Variants in KIAA1217 observed in about 807,000 individuals in gnomAD.
The protein encoded by KIAA1217 is KIAA1217.
A neutral mutation model predicts 163.9 loss-of-function variants in KIAA1217; 88 were observed. The observed-to-expected ratio is 0.54, with a 90% CI of 0.45 to 0.64. The LOEUF (loss-of-function observed/expected upper bound fraction) is 0.64, where lower values mean the gene tolerates loss of function less well. KIAA1217 is among the 30% of genes least tolerant of loss of function. The probability of loss-of-function intolerance (pLI) is 0.00; values close to 1 mark genes in which losing one functional copy is unlikely to be tolerated. For synonymous variants in KIAA1217, 903 were observed against 923.1 expected (o/e 0.98, Z 0.39); for missense variants, 2,372 against 2,475.0 (o/e 0.96, Z 0.88).
intron 2 of KIAA1217, among the ~76,000 whole-genome samples, chr10:24,019,012 G>A (rs1847617270): frequency 6.6e-6 from 1 of 152,086 alleles, no homozygotes; most frequent in Non-Finnish European, 1.5e-5. Context: ...ACTCATAGAA[G>A]CAGAGAGTAG....
At chr10:23,713,949 T>C (rs1486065942) in intron 1 of KIAA1217, among the ~76,000 whole-genome samples, 1 of 152,140 alleles carries the variant, frequency 6.6e-6, no homozygotes, top group Non-Finnish European at 1.5e-5. Context: ...TCATTTTAGG[T>C]ACCCCATCCA....
At chr10:24,441,417 G>T (rs1020754610) in intron 5 of KIAA1217, among the ~76,000 whole-genome samples, 1 of 152,140 alleles carries the variant, frequency 6.6e-6, no homozygotes, top group Middle Eastern at 3.2e-3. Context: ...GTAATATCTT[G>T]CCTTTGAAAG....
intron 3 of KIAA1217, among the ~76,000 whole-genome samples, chr10:24,395,384 A>G (rs1023584331): frequency 1.3e-5 from 2 of 152,080 alleles, no homozygotes; most frequent in Non-Finnish European, 2.9e-5. Context: ...ATACATCCCA[A>G]GTTACTTCAT....
At chr10:24,060,114 C>G (rs969854102) in intron 2 of KIAA1217, among the ~76,000 whole-genome samples, 2 of 151,676 alleles carry the variant, frequency 1.3e-5, no homozygotes, top group African/African-American at 2.4e-5. Context: ...TCAATTTTGT[C>G]TTTTGCTTCG....
At chr10:24,060,409 A>T (rs1345929928) in intron 2 of KIAA1217, among the ~76,000 whole-genome samples, 2 of 152,054 alleles carry the variant, frequency 1.3e-5, no homozygotes, top group Non-Finnish European at 2.9e-5. Flanking sequence ...ATGTAGTTTA[A>T]TTTCTACATA....
chr10:23,955,517 G>T (rs757135792), intron 1 of KIAA1217, among the ~76,000 whole-genome samples: 12 of 152,088 alleles, frequency 7.9e-5, no homozygotes, highest in Non-Finnish European at 1.8e-4. Context: ...TTCTTCTATG[G>T]AACAGACATT....
intron 1 of KIAA1217, among the ~76,000 whole-genome samples, chr10:23,763,219 A>G (rs1333446444): frequency 6.6e-6 from 1 of 152,238 alleles, no homozygotes; most frequent in Non-Finnish European, 1.5e-5. Context: ...TGCTGTTTCC[A>G]TCAAACTACC....
In KIAA1217 at chr10:24,364,049, G is replaced by T. The variant is rs1242524949; in HGVS notation, c.355-16820G>T. Among the ~76,000 whole-genome samples, 5 of 151,550 alleles carry T rather than the reference G, an allele frequency of 3.3e-5. No homozygotes were observed. The East Asian group carries it at 9.7e-4, about 29-fold the overall frequency. ...GCTAGGGTGCAATGGCGCAGTCTTG[G>T]CTCGCCGCAACCTCCGCCTCCCAGG... On this transcript the variant is annotated intron_variant, in intron 2 of 20. Coordinates refer to ENST00000376454, the MANE Select transcript of KIAA1217 (RefSeq NM_019590.5).
At chr10:23,790,717 ATGTATGTATG>A (rs1835906735) in intron 1 of KIAA1217, among the ~76,000 whole-genome samples, 1 of 146,412 alleles carries the variant, frequency 6.8e-6, no homozygotes, top group African/African-American at 2.6e-5. Context: ...ATATATATGT[ATGTATGTATG>A]TATGTATGTA....
At chr10:23,924,982 CATT>C (rs1842968680) in intron 1 of KIAA1217, among the ~76,000 whole-genome samples, 1 of 151,832 alleles carries the variant, frequency 6.6e-6, no homozygotes, top group East Asian at 1.9e-4. Flanking sequence ...GCCAAAATAG[CATT>C]ATTTTGAGAG....
At chr10:24,199,432 T>C (rs1006486091) in intron 2 of KIAA1217, among the ~76,000 whole-genome samples, 6 of 152,186 alleles carry the variant, frequency 3.9e-5, no homozygotes, top group Non-Finnish European at 7.3e-5. Flanking sequence ...CCCAATTACC[T>C]CTTAAAGACC....
At chr10:24,526,347 C>T (rs914341134) in intron 13 of KIAA1217, among the ~76,000 whole-genome samples, 1 of 152,146 alleles carries the variant, frequency 6.6e-6, no homozygotes, top group Non-Finnish European at 1.5e-5. Context: ...CACAAGGGTA[C>T]AGAAATGTGA....
At position 24,335,603 on chromosome 10, in the gene KIAA1217, T is replaced by TA. The variant is rs971686638; in HGVS notation, c.355-45265dup. On this transcript the variant is annotated intron_variant, in intron 2 of 20. Coordinates refer to ENST00000376454, the MANE Select transcript of KIAA1217 (RefSeq NM_019590.5). ...ATCTTATTTTATTTATTTATTTATT[T>TA]ATTTATTTATTTATTTATTTATTGG... Among the ~76,000 whole-genome samples, 401 of 145,688 alleles carry TA rather than the reference T, an allele frequency of 2.8e-3. 5 individuals are homozygous for TA. Among genetic ancestry groups the TA allele is most frequent in the African/African-American group, 9.9e-3 (387 of 39,140 alleles).
Position 23,859,626 on chromosome 10 carries a change from A to G in KIAA1217, c.-320-147599A>G, listed in dbSNP as rs1276756626. On this transcript the variant is annotated intron_variant, in intron 1 of 18. Coordinates refer to the KIAA1217 transcript ENST00000376462. ...TCCACATGTAAACAGTTGTTCTTCAATATTTCACATTTAAATACGAACTTT... is the reference window on the plus strand; with the variant it reads ...TCCACATGTAAACAGTTGTTCTTCAGTATTTCACATTTAAATACGAACTTT... Among the ~76,000 whole-genome samples, 4 of 152,314 alleles carry G rather than the reference A, an allele frequency of 2.6e-5. No homozygotes were observed. The South Asian group carries it at 8.3e-4, about 32-fold the overall frequency.
chr10:24,284,820 CTTTCCACAGGGACTGAACTAA>C (rs1371854040), intron 2 of KIAA1217, among the ~76,000 whole-genome samples: 16 of 152,186 alleles, frequency 1.1e-4, no homozygotes, highest in Non-Finnish European at 2.1e-4. Context: ...CTCCAAACTG[CTTTCCACAGGGACTGAACTAA>C]TTTCCAATCC....
intron 2 of KIAA1217, among the ~76,000 whole-genome samples, chr10:24,062,252 AG>A (rs1392338134): frequency 2.7e-5 from 4 of 148,860 alleles, no homozygotes; most frequent in Non-Finnish European, 5.9e-5. Context: ...CTCGTCATTT[AG>A]CATTAGGTAT....
At chr10:24,368,926 T>G (rs2051173830) in intron 2 of KIAA1217, 1 of 851,316 alleles carries the variant, frequency 1.2e-6, no homozygotes, top group African/African-American at 1.9e-5. Flanking sequence ...ACTTCTCACT[T>G]TATCAAGTAG....
chr10:23,748,765 G>A (rs1839567771), intron 1 of KIAA1217, among the ~76,000 whole-genome samples: 1 of 152,160 alleles, frequency 6.6e-6, no homozygotes, highest in South Asian at 2.1e-4. Flanking sequence ...GGTTCATGCT[G>A]TCTGGTTATA....
intron 3 of KIAA1217, among the ~76,000 whole-genome samples, chr10:24,406,287 A>G (rs79001935): frequency 0.035 from 5,369 of 152,286 alleles, 121 homozygotes; most frequent in Non-Finnish European, 0.054. Context: ...TTTGAAGATC[A>G]AAGAAAACCA....
Sources: gnomAD v4.1 joint callset for allele counts (sites outside exome capture counted in the v4.1 genomes callset) on GRCh38, gnomAD v4.1.1 for gene constraint, MANE v1.5 for transcripts, NCBI Gene and HGNC (gene_info 2026-07-23, HGNC 2026-07-21) for gene names.